The following SKAP1 variants were observed in gnomAD, a reference collection of about 807,000 sequenced individuals.
The protein encoded by SKAP1 is src kinase-associated phosphoprotein 1.
A neutral mutation model predicts 58.5 loss-of-function variants in SKAP1; 44 were observed. The ratio of observed to expected loss-of-function variants is 0.75; its 90% CI spans 0.59 to 0.97. The LOEUF (loss-of-function observed/expected upper bound fraction) is 0.97, where lower values mean the gene tolerates loss of function less well. Among genes scored for constraint, SKAP1 ranks in the 50% least tolerant of loss-of-function variants. The pLI is 0.00. For missense variants in SKAP1, 390 were observed against 435.2 expected (o/e 0.90, Z 0.92); for synonymous variants, 127 against 149.7 (o/e 0.85, Z 1.11).
intron 11 of SKAP1, among the ~76,000 whole-genome samples, chr17:48,145,068 C>A (rs1436052067): frequency 1.3e-5 from 2 of 152,038 alleles, no homozygotes; most frequent in East Asian, 3.8e-4. Context: ...ACCCACAAAC[C>A]TTTCCATCAG....
At chr17:48,434,325 T>C (rs1217995378), upstream of SKAP1, among the ~76,000 whole-genome samples, 6 of 152,240 alleles carry the variant, frequency 3.9e-5, no homozygotes, top group African/African-American at 1.2e-4. Flanking sequence ...CCAAGCATCA[T>C]GCCACCTTGA....
chr17:48,242,802 T>C (rs2065256552), intron 4 of SKAP1, among the ~76,000 whole-genome samples: 2 of 152,180 alleles, frequency 1.3e-5, no homozygotes, highest in African/African-American at 4.8e-5. Flanking sequence ...TGTGATAGGA[T>C]CTCCCCTAGT....
At chr17:48,295,820 C>T (rs74631399) in intron 4 of SKAP1, among the ~76,000 whole-genome samples, 4,282 of 151,542 alleles carry the variant, frequency 0.028, 103 homozygotes, top group Non-Finnish European at 0.041. Context: ...AAGATATCAC[C>T]GAGAGTGATA....
intron 11 of SKAP1, among the ~76,000 whole-genome samples, chr17:48,161,285 T>G (rs1201427617): frequency 6.6e-6 from 1 of 152,202 alleles, no homozygotes; most frequent in African/African-American, 2.4e-5. Flanking sequence ...AATGACAGAT[T>G]AATAACCAAC....
At chr17:48,400,164 T>A (rs1443578350) in intron 1 of SKAP1, among the ~76,000 whole-genome samples, 1 of 151,168 alleles carries the variant, frequency 6.6e-6, no homozygotes, top group East Asian at 2.0e-4. Context: ...AGTGGCGCGA[T>A]CTCAGCTCAC....
At chr17:48,339,192 T>C (rs1194239993) in intron 4 of SKAP1, among the ~76,000 whole-genome samples, 3 of 152,226 alleles carry the variant, frequency 2.0e-5, no homozygotes, top group African/African-American at 7.2e-5. Flanking sequence ...TTCCATTAGC[T>C]TTGACAGGAG....
chr17:48,198,631 T>C (rs1384833630), intron 4 of SKAP1, among the ~76,000 whole-genome samples: 1 of 152,184 alleles, frequency 6.6e-6, no homozygotes, highest in East Asian at 1.9e-4. Context: ...ATCATAATTG[T>C]GGCATCATGA....
intron 4 of SKAP1, among the ~76,000 whole-genome samples, chr17:48,259,864 A>T (rs901854833): frequency 1.3e-5 from 2 of 152,192 alleles, no homozygotes; most frequent in African/African-American, 4.8e-5. Context: ...AGCCAGGTGC[A>T]TGTAAATTTC....
At chr17:48,412,348 CTCTATATT>C (rs2067675280) in intron 1 of SKAP1, among the ~76,000 whole-genome samples, 1 of 152,086 alleles carries the variant, frequency 6.6e-6, no homozygotes, top group South Asian at 2.1e-4. Context: ...TCTTTATATT[CTCTATATT>C]TCTAAATGTT....
intron 11 of SKAP1, among the ~76,000 whole-genome samples, chr17:48,147,466 G>A (rs1001700352): frequency 1.3e-5 from 2 of 152,094 alleles, no homozygotes; most frequent in African/African-American, 4.8e-5. Flanking sequence ...TGCTTTCTTA[G>A]AATATCATAC....
intron 1 of SKAP1, among the ~76,000 whole-genome samples, chr17:48,414,205 A>G (rs1205915365): frequency 6.6e-6 from 1 of 152,222 alleles, no homozygotes; most frequent in Admixed American, 6.5e-5. Flanking sequence ...ACAGGCCCAT[A>G]GTAGAGGCAC....
intron 8 of SKAP1, among the ~76,000 whole-genome samples, chr17:48,180,586 T>C (rs893293692): frequency 1.3e-5 from 2 of 152,130 alleles, no homozygotes; most frequent in African/African-American, 2.4e-5. Flanking sequence ...CAGTGTGCTG[T>C]ACACAGCTTA....
chr17:48,406,736 T>C (rs1200528938), intron 1 of SKAP1, among the ~76,000 whole-genome samples: 1 of 152,114 alleles, frequency 6.6e-6, no homozygotes, highest in Non-Finnish European at 1.5e-5. Flanking sequence ...TAGCTAATTT[T>C]TGCATTTTTA....
At chr17:48,227,139 A>G (rs903869909) in intron 4 of SKAP1, among the ~76,000 whole-genome samples, 1 of 152,180 alleles carries the variant, frequency 6.6e-6, no homozygotes, top group African/African-American at 2.4e-5. Context: ...GACTGGCATG[A>G]TATCTCAAGT....
chr17:48,433,059 C>A (rs1020262862), upstream of SKAP1, among the ~76,000 whole-genome samples: 11 of 152,214 alleles, frequency 7.2e-5, no homozygotes, highest in Non-Finnish European at 1.2e-4. Context: ...CAAGGTTCCT[C>A]ATTGCAGACA....
At chr17:48,249,611 C>G (rs1330745145) in intron 4 of SKAP1, among the ~76,000 whole-genome samples, 2 of 151,894 alleles carry the variant, frequency 1.3e-5, no homozygotes, top group African/African-American at 2.4e-5. Flanking sequence ...GAAGTCGAGG[C>G]TGCTGTGAAC....
chr17:48,357,894 G>A (rs2066897013), intron 3 of SKAP1, among the ~76,000 whole-genome samples: 1 of 152,152 alleles, frequency 6.6e-6, no homozygotes, highest in African/African-American at 2.4e-5. Flanking sequence ...ATGCCTGAAG[G>A]AAGTCAAGCC....
chr17:48,179,342 C>T (rs897659619), intron 9 of SKAP1, among the ~76,000 whole-genome samples: 5 of 152,152 alleles, frequency 3.3e-5, no homozygotes, highest in East Asian at 1.9e-4. Context: ...TGTCTGACCC[C>T]CACTGAGCTT....
intron 2 of SKAP1, among the ~76,000 whole-genome samples, chr17:48,386,020 T>C (rs2067271241): frequency 2.6e-5 from 4 of 152,100 alleles, no homozygotes; most frequent in Admixed American, 2.6e-4. Context: ...CTGTAACCTT[T>C]TGTCACAGTT....
Sources: gnomAD v4.1 joint callset for allele counts (sites outside exome capture counted in the v4.1 genomes callset) on GRCh38, gnomAD v4.1.1 for gene constraint, MANE v1.5 for transcripts, NCBI Gene and HGNC (gene_info 2026-07-23, HGNC 2026-07-21) for gene names.